The following CNTN4 variants were observed in gnomAD, a reference collection of about 807,000 sequenced individuals.
CNTN4 encodes contactin 4, also known as contactin-4.
A neutral mutation model predicts 122.5 loss-of-function variants in CNTN4; 77 were observed. The ratio of observed to expected loss-of-function variants is 0.63; its 90% CI spans 0.52 to 0.76. CNTN4 has a LOEUF of 0.76. Among genes scored for constraint, CNTN4 ranks in the 30% least tolerant of loss-of-function variants. The pLI, the probability that CNTN4 is intolerant of heterozygous loss-of-function variation, is 0.00. For synonymous variants in CNTN4, 512 were observed against 447.0 expected, an observed-to-expected ratio of 1.15 and a Z score of -1.83; for missense variants, 1,256 against 1,259.1, an observed-to-expected ratio of 1.00 and a Z score of 0.04.
intron 4 of CNTN4, among the ~76,000 whole-genome samples, chr3:2,708,765 A>G (rs1236824214): frequency 6.7e-6 from 1 of 148,588 alleles, no homozygotes; most frequent in African/African-American, 2.5e-5. Context: ...ACACACACAC[A>G]CACTGCCCAG....
At position 3,003,709 on chromosome 3, in the gene CNTN4, A is replaced by C. The variant is rs972368763; in HGVS notation, c.1486+15237A>C. Among the ~76,000 whole-genome samples the C allele has an allele frequency of 3.8e-4, 57 of 149,052 alleles. 1 individual carries two copies. Among genetic ancestry groups the C allele is most frequent in the African/African-American group, 8.6e-4 (34 of 39,738 alleles). ...CAAAAAAAAAAAAAAAAAAAAAAAA[A>C]AAAAACAAAAAAACCCCACTGAATT... On this transcript the variant is annotated intron_variant, in intron 14 of 24. Transcript: ENST00000418658.
At chr3:3,024,397 A>AC (rs1559801309) in intron 14 of CNTN4, among the ~76,000 whole-genome samples, 2 of 151,094 alleles carry the variant, frequency 1.3e-5, no homozygotes, top group African/African-American at 2.4e-5. Context: ...AAAAAAAAAA[A>AC]AAAAAAAAAA....
intron 4 of CNTN4, among the ~76,000 whole-genome samples, chr3:2,672,292 C>G (rs2084570904): frequency 6.6e-6 from 1 of 152,204 alleles, no homozygotes; most frequent in South Asian, 2.1e-4. Flanking sequence ...AATTTGTTTA[C>G]CTACTCAAGC....
At chr3:2,627,758 GC>G (rs1473383370) in intron 4 of CNTN4, among the ~76,000 whole-genome samples, 1 of 152,142 alleles carries the variant, frequency 6.6e-6, no homozygotes, top group Non-Finnish European at 1.5e-5. Flanking sequence ...CTCCCAAAGT[GC>G]TGGGATTACA....
intron 7 of CNTN4, among the ~76,000 whole-genome samples, chr3:2,842,508 C>T (rs112044119): frequency 2.0e-5 from 2 of 99,190 alleles, no homozygotes; most frequent in African/African-American, 6.1e-5. Context: ...GGCAACATCT[C>T]CTGCTTTAAA....
At chr3:2,644,752 G>A (rs1203517708) in intron 4 of CNTN4, among the ~76,000 whole-genome samples, 4 of 144,434 alleles carry the variant, frequency 2.8e-5, no homozygotes, top group Non-Finnish European at 6.0e-5. Flanking sequence ...GGCTTTTTGT[G>A]GCTAACCCTG....
intron 6 of CNTN4, among the ~76,000 whole-genome samples, chr3:2,782,551 C>T (rs1418466053): frequency 2.7e-5 from 4 of 149,326 alleles, no homozygotes; most frequent in African/African-American, 7.4e-5. Flanking sequence ...TCTAAATGGT[C>T]CCACCTTCCT....
chr3:2,376,856 A>C (rs1381556254), intron 3 of CNTN4, among the ~76,000 whole-genome samples: 1 of 152,164 alleles, frequency 6.6e-6, no homozygotes, highest in Non-Finnish European at 1.5e-5. Flanking sequence ...AATTAACACA[A>C]AAAGAAAATG....
At chr3:2,757,538 G>T (rs559446860) in intron 6 of CNTN4, among the ~76,000 whole-genome samples, 1 of 152,102 alleles carries the variant, frequency 6.6e-6, no homozygotes, top group Non-Finnish European at 1.5e-5. Context: ...CGATGTTATC[G>T]TTGATGTTAT....
At chr3:2,882,908 G>C in intron 8 of CNTN4, 1 of 449,016 alleles carries the variant, frequency 2.2e-6, no homozygotes, top group Non-Finnish European at 4.1e-6. Context: ...AAAGTTGTAT[G>C]CATGGAGAAT....
At chr3:2,775,848 A>G (rs1252371961) in intron 6 of CNTN4, among the ~76,000 whole-genome samples, 1 of 152,156 alleles carries the variant, frequency 6.6e-6, no homozygotes, top group Non-Finnish European at 1.5e-5. Context: ...TATGAGCTCC[A>G]TGAGGGCGGG....
chr3:2,948,656 A>T (rs2094704500), intron 13 of CNTN4, among the ~76,000 whole-genome samples: 1 of 152,150 alleles, frequency 6.6e-6, no homozygotes, highest in Non-Finnish European at 1.5e-5. Context: ...GAGCAAACTC[A>T]TTTGGTGGCA....
chr3:2,728,190 A>T (rs1444191947), intron 4 of CNTN4, among the ~76,000 whole-genome samples: 1 of 152,240 alleles, frequency 6.6e-6, no homozygotes, highest in African/African-American at 2.4e-5. Context: ...TCTTGCACTC[A>T]GGAAAATCAC....
At chr3:2,432,244 T>C (rs560470651) in intron 3 of CNTN4, among the ~76,000 whole-genome samples, 1 of 152,326 alleles carries the variant, frequency 6.6e-6, no homozygotes. Context: ...CTTTCTCCCT[T>C]CCATCACTGT....
chr3:2,264,976 A>G (rs528139250), intron 2 of CNTN4, among the ~76,000 whole-genome samples: 7 of 152,066 alleles, frequency 4.6e-5, no homozygotes, highest in African/African-American at 1.4e-4. Context: ...GCAGTGTACA[A>G]TATGTCCAAT....
intron 3 of CNTN4, among the ~76,000 whole-genome samples, chr3:2,360,311 T>A (rs888153059): frequency 6.6e-6 from 1 of 152,222 alleles, no homozygotes; most frequent in Non-Finnish European, 1.5e-5. Flanking sequence ...AAAAATATTT[T>A]ACTGTTCAGT....
At chr3:2,960,874 C>T (rs1334675519) in intron 13 of CNTN4, among the ~76,000 whole-genome samples, 2 of 152,098 alleles carry the variant, frequency 1.3e-5, no homozygotes, top group Admixed American at 6.6e-5. Context: ...TTTGAAAGTC[C>T]TTGCACATTG....
intron 6 of CNTN4, among the ~76,000 whole-genome samples, chr3:2,754,451 T>C (rs1218969131): frequency 6.6e-6 from 1 of 152,106 alleles, no homozygotes; most frequent in African/African-American, 2.4e-5. Context: ...GGCAAGGTGG[T>C]ATTATTCTGG....
At chr3:2,735,885 C>T (rs1576612381) in intron 4 of CNTN4, 14 of 469,678 alleles carry the variant, frequency 3.0e-5, no homozygotes, top group East Asian at 6.1e-5. Flanking sequence ...AAAAGGGATA[C>T]GGGAAGCACA....
Sources: gnomAD v4.1 joint callset for allele counts (sites outside exome capture counted in the v4.1 genomes callset) on GRCh38, gnomAD v4.1.1 for gene constraint, MANE v1.5 for transcripts, NCBI Gene and HGNC (gene_info 2026-07-23, HGNC 2026-07-21) for gene names.